The following IQSEC3 variants were observed in gnomAD, a reference collection of about 807,000 sequenced individuals.
The protein encoded by IQSEC3 is IQ motif and Sec7 domain ArfGEF 3, also known as IQ motif and SEC7 domain-containing protein 3.
IQSEC3 carries 50 observed loss-of-function variants against 105.4 expected under a neutral mutation model. That is an observed-to-expected ratio of 0.47 (90% CI 0.38 to 0.60). The LOEUF is 0.60. IQSEC3 is among the 20% of genes least tolerant of loss of function. IQSEC3 has a pLI of 0.00. For synonymous variants in IQSEC3, 708 were observed against 746.0 expected, an observed-to-expected ratio of 0.95 and a Z score of 0.83; for missense variants, 1,415 against 1,630.0, an observed-to-expected ratio of 0.87 and a Z score of 2.27.
intron 8 of IQSEC3, among the ~76,000 whole-genome samples, chr12:162,443 A>C (rs1325914327): frequency 1.3e-5 from 2 of 152,070 alleles, no homozygotes; most frequent in Non-Finnish European, 2.9e-5. Context: ...AATAGGCTCC[A>C]GGCTGTGGCA....
chr12:164,130 C>A (rs1206053787), intron 9 of IQSEC3, among the ~76,000 whole-genome samples: 2 of 152,192 alleles, frequency 1.3e-5, no homozygotes, highest in Non-Finnish European at 1.5e-5. Context: ...CAGCGTTGAC[C>A]ATGTGCCAGG....
intron 1 of IQSEC3, among the ~76,000 whole-genome samples, chr12:86,215 G>T (rs1555072068): frequency 6.6e-6 from 1 of 152,218 alleles, no homozygotes; most frequent in Admixed American, 6.5e-5. Flanking sequence ...GGCCAGCAGG[G>T]TTGGGGGTGA....
At chr12:87,837 T>C (rs150650666) in intron 1 of IQSEC3, among the ~76,000 whole-genome samples, 2 of 152,356 alleles carry the variant, frequency 1.3e-5, no homozygotes, top group East Asian at 3.9e-4. Context: ...TCATAACAGC[T>C]ACCATGTATT....
chr12:74,926 T>C (rs1309488445), intron 1 of IQSEC3, among the ~76,000 whole-genome samples: 1 of 152,236 alleles, frequency 6.6e-6, no homozygotes, highest in East Asian at 1.9e-4. Context: ...CTCTCAACAT[T>C]ATGTGACGAT....
In IQSEC3 at chr12:71,311, T is replaced by C. The variant is rs529946157; in HGVS notation, c.554+3875T>C. Reference sequence around the variant, plus strand: ...TGTGAAGGTCTGTCAGTCAACTATATGTATCAAGTGTCCAGTCTATTCAAA... The same window carrying C: ...TGTGAAGGTCTGTCAGTCAACTATACGTATCAAGTGTCCAGTCTATTCAAA... On this transcript the variant is annotated intron_variant, in intron 1 of 13. Coordinates refer to ENST00000538872, the MANE Select transcript of IQSEC3 (RefSeq NM_001170738.2). Among the ~76,000 whole-genome samples the C allele has an allele frequency of 4.2e-3, 647 of 152,368 alleles. 1 individual carries two copies. The highest frequency in any genetic ancestry group is 0.014 in the African/African-American group (586 of 41,576).
At chr12:83,465 TA>T (rs1455091948) in intron 1 of IQSEC3, among the ~76,000 whole-genome samples, 5 of 151,148 alleles carry the variant, frequency 3.3e-5, no homozygotes, top group Admixed American at 3.3e-4. Flanking sequence ...AGTCCTCACT[TA>T]GGGGGTGGCA....
rs1179737652 is a variant in IQSEC3, at chr12:178,311, G to C, written c.*3278G>C. The stretch of plus-strand genomic sequence containing the variant: ...CCCCGCACACCCGTCACCCATGAGA[G>C]AGAGAAACCTCTCTAGGGAAAGGCA... On this transcript the variant is annotated 3_prime_UTR_variant, in exon 14 of 14. Transcript: ENST00000538872. 6.6e-6 allele frequency: 1 copy of C among 151,888 alleles called. No homozygotes were observed. Among genetic ancestry groups the C allele is most frequent in the Non-Finnish European group, 1.5e-5 (1 of 68,046 alleles). The allele number at this position is 151,888 out of a possible 1,614,324, so 9.4% of individuals were successfully genotyped here.
intron 1 of IQSEC3, among the ~76,000 whole-genome samples, chr12:96,716 A>G (rs973137989): frequency 6.6e-6 from 1 of 152,192 alleles, no homozygotes; most frequent in Non-Finnish European, 1.5e-5. Context: ...TTTGTTAAAT[A>G]TTAATGCTGG....
At chr12:145,629 C>G (rs1555090762) in intron 5 of IQSEC3, among the ~76,000 whole-genome samples, 1 of 152,168 alleles carries the variant, frequency 6.6e-6, no homozygotes, top group African/African-American at 2.4e-5. Flanking sequence ...ATCCTGCAGC[C>G]TGAGGAAGCC....
chr12:119,463 C>G (rs1369021053), intron 2 of IQSEC3, among the ~76,000 whole-genome samples: 2 of 152,152 alleles, frequency 1.3e-5, no homozygotes, highest in Non-Finnish European at 2.9e-5. Flanking sequence ...ATCTGGAACC[C>G]AGAAAAGTTC....
chr12:126,403 A>G (rs1327452609), intron 3 of IQSEC3, among the ~76,000 whole-genome samples: 2 of 152,226 alleles, frequency 1.3e-5, no homozygotes, highest in Admixed American at 1.3e-4. Flanking sequence ...AAGCTCCTCT[A>G]TTGGAGAACA....
intron 13 of IQSEC3, chr12:171,430 C>T (rs1159980658): frequency 2.9e-5 from 29 of 1,000,344 alleles, no homozygotes; most frequent in South Asian, 1.9e-4. Context: ...ACAGTGGAGA[C>T]GGAGCTCACG....
intron 3 of IQSEC3, among the ~76,000 whole-genome samples, chr12:131,035 G>GCTCTTCCCCCCCACACCTC (rs1865578214): frequency 4.4e-5 from 1 of 22,494 alleles, no homozygotes; most frequent in South Asian, 1.6e-3. Context: ...CCCACACCTG[G>GCTCTTCCCCCCCACACCTC]CCCCCGCTCC....
At position 143,780 on chromosome 12, in the gene IQSEC3, G is replaced by A. The variant is rs565874644; in HGVS notation, c.2153+2495G>A. 4 of 174,062 alleles carry A rather than the reference G, an allele frequency of 2.3e-5. No individual in the cohort carries two copies. The East Asian group carries it at 5.6e-4, about 24-fold the overall frequency. 10.8% of individuals were successfully genotyped at this position (174,062 alleles called of 1,614,324 possible). On this transcript the variant is annotated intron_variant, in intron 5 of 13. Coordinates refer to ENST00000538872, the MANE Select transcript of IQSEC3 (RefSeq NM_001170738.2). ...ATTTGTTATTCATTCAACAAACATC[G>A]AGCACTTATTTATTGTGTGTTGAGA...
At position 165,011 on chromosome 12, in the gene IQSEC3, T is replaced by TAA. The variant is rs1867100275; in HGVS notation, c.2710-423_2710-422insAA. On this transcript the variant is annotated intron_variant, in intron 9 of 13. Transcript: ENST00000538872. ...GAAGGCATCTCTAAGGAGGTAGCAT[T>TAA]TGAGACTTAAGTAATGAGAGTAATG... Among the ~76,000 whole-genome samples, 16 of 152,270 alleles carry TAA rather than the reference T, an allele frequency of 1.1e-4. No homozygotes were observed. In the South Asian group the frequency reaches 3.3e-3, roughly 32 times the overall value.
At chr12:104,458 CT>C (rs1864571646) in intron 2 of IQSEC3, among the ~76,000 whole-genome samples, 1 of 152,162 alleles carries the variant, frequency 6.6e-6, no homozygotes, top group Non-Finnish European at 1.5e-5. Context: ...ATAAATGGGA[CT>C]TCATCATGTA....
chr12:156,982 T>A, intron 5 of IQSEC3, 43 bp from the exon 6 acceptor site: 1 of 1,523,630 alleles, frequency 6.6e-7, no homozygotes, highest in South Asian at 1.3e-5. Context: ...TGGAGGGTGC[T>A]TAGGGTGCCA....
chr12:126,178 A>G (rs1028646721), intron 3 of IQSEC3, among the ~76,000 whole-genome samples: 7 of 152,228 alleles, frequency 4.6e-5, no homozygotes, highest in Non-Finnish European at 1.0e-4. Context: ...CACAGTGCTC[A>G]GCAAGCCTCC....
chr12:106,421 A>AG (rs1216375688), intron 2 of IQSEC3: 1 of 152,276 alleles, frequency 6.6e-6, no homozygotes, highest in Non-Finnish European at 1.5e-5. Flanking sequence ...GGGCCTCAAA[A>AG]GGCCTGGCCT....
Sources: allele counts gnomAD v4.1 joint callset (sites outside exome capture counted in the v4.1 genomes callset), GRCh38; gene constraint gnomAD v4.1.1; transcripts MANE v1.5; gene names NCBI Gene and HGNC (gene_info 2026-07-23, HGNC 2026-07-21).